Variants in SH3KBP1 observed in about 807,000 individuals in gnomAD.
SH3KBP1 encodes SH3 domain containing kinase binding protein 1.
In SH3KBP1, 8 loss-of-function variants were observed where a neutral mutation model predicts 50.1. The ratio of observed to expected loss-of-function variants is 0.16; its 90% CI spans 0.09 to 0.29. SH3KBP1 has a LOEUF of 0.29. Among genes scored for constraint, SH3KBP1 ranks in the 10% least tolerant of loss-of-function variants. The pLI, the probability that SH3KBP1 is intolerant of heterozygous loss-of-function variation, is 1.00. For missense variants in SH3KBP1, 377 were observed against 535.2 expected, an observed-to-expected ratio of 0.70 and a Z score of 2.92; for synonymous variants, 227 against 218.6, an observed-to-expected ratio of 1.04 and a Z score of -0.34.
chrX:19,660,255 G>A (rs1272909794), intron 6 of SH3KBP1, among the ~76,000 whole-genome samples: 10 of 112,418 alleles, frequency 8.9e-5, no homozygotes, highest in South Asian at 3.7e-4. Flanking sequence ...GGTAGGTAAC[G>A]TGCTTAGCTA....
At chrX:19,618,410 A>AC (rs2067690957) in intron 8 of SH3KBP1, among the ~76,000 whole-genome samples, 1 of 106,393 alleles carries the variant, frequency 9.4e-6, no homozygotes, top group African/African-American at 3.5e-5. Flanking sequence ...AAAAAAAAAA[A>AC]CAGTTTCTAT....
chrX:19,751,771 A>T (rs1282592843), intron 2 of SH3KBP1, among the ~76,000 whole-genome samples: 2 of 112,154 alleles, frequency 1.8e-5, no homozygotes, highest in Non-Finnish European at 3.8e-5. Flanking sequence ...TGGCTCACCC[A>T]CATTCAGAGA....
intron 6 of SH3KBP1, among the ~76,000 whole-genome samples, chrX:19,671,433 G>A (rs1245891533): frequency 1.8e-5 from 2 of 108,976 alleles, no homozygotes; most frequent in Non-Finnish European, 3.8e-5. Context: ...AAAAACAGCC[G>A]TGGCTTTATG....
At chrX:19,634,348 T>C (rs2061653159) in intron 7 of SH3KBP1, among the ~76,000 whole-genome samples, 1 of 110,942 alleles carries the variant, frequency 9.0e-6, no homozygotes, top group African/African-American at 3.3e-5. Context: ...TCAGTGATAA[T>C]TTGATGAGTT....
intron 2 of SH3KBP1, among the ~76,000 whole-genome samples, chrX:19,811,304 C>A (rs2067200274): frequency 8.9e-6 from 1 of 112,015 alleles, no homozygotes; most frequent in Non-Finnish European, 1.9e-5. Context: ...CCATGAGGGT[C>A]CCGATATTAC....
chrX:19,877,463 C>T (rs1033252604), intron 1 of SH3KBP1, among the ~76,000 whole-genome samples: 4 of 111,853 alleles, frequency 3.6e-5, no homozygotes, highest in African/African-American at 1.3e-4. Context: ...CAAGCGTCTC[C>T]GTCTAGCTCC....
rs111885361 is a variant in SH3KBP1 at position 19,715,751 on chromosome X, T to C, written c.287-8767A>G. ...CTAAATATCTGACAATAGTATTTAA[T>C]ACATAGCACAGGTGAATGCTGCTGT... On this transcript the variant is annotated intron_variant, in intron 3 of 17. Transcript: ENST00000397821. Among the ~76,000 whole-genome samples, 397 of 112,704 alleles carry C rather than the reference T, an allele frequency of 3.5e-3. 3 individuals are homozygous for C. The highest frequency in any genetic ancestry group is 0.012 in the African/African-American group (376 of 31,057).
At chrX:19,627,606 C>T (rs2068060982) in intron 8 of SH3KBP1, among the ~76,000 whole-genome samples, 1 of 112,517 alleles carries the variant, frequency 8.9e-6, no homozygotes, top group Non-Finnish European at 1.9e-5. Flanking sequence ...TGCCACATTT[C>T]CTCCTGGCTT....
intron 7 of SH3KBP1, among the ~76,000 whole-genome samples, chrX:19,643,315 T>A (rs760070301): frequency 5.0e-4 from 43 of 86,788 alleles, no homozygotes; most frequent in Admixed American, 1.7e-3. Context: ...TTATTTTTTT[T>A]TTTTTTATTT....
At chrX:19,755,338 C>T (rs1441648495) in intron 2 of SH3KBP1, among the ~76,000 whole-genome samples, 1 of 111,804 alleles carries the variant, frequency 8.9e-6, no homozygotes, top group Non-Finnish European at 1.9e-5. Context: ...CATCGGACTC[C>T]AGCCTGGGCG....
intron 6 of SH3KBP1, among the ~76,000 whole-genome samples, chrX:19,674,706 T>C (rs914884915): frequency 8.9e-6 from 1 of 112,314 alleles, no homozygotes; most frequent in East Asian, 2.8e-4. Flanking sequence ...ATTTAAGACT[T>C]GGTGATATGA....
intron 12 of SH3KBP1, among the ~76,000 whole-genome samples, chrX:19,574,352 T>G (rs1050594521): frequency 2.7e-5 from 3 of 112,919 alleles, no homozygotes; most frequent in Admixed American, 1.9e-4. Flanking sequence ...TGCCAAAAAG[T>G]GTTTAACTAA....
intron 2 of SH3KBP1, among the ~76,000 whole-genome samples, chrX:19,805,586 AGAAGTTCTC>A (rs929131956): frequency 3.7e-5 from 4 of 108,409 alleles, no homozygotes. Flanking sequence ...CAAGACTCCC[AGAAGTTCTC>A]CGAACCTGAC....
intron 1 of SH3KBP1, among the ~76,000 whole-genome samples, chrX:19,871,973 C>T (rs888254687): frequency 9.1e-6 from 1 of 110,416 alleles, no homozygotes; most frequent in Non-Finnish European, 1.9e-5. Context: ...GAATGGTGGC[C>T]GGGCACGGTG....
chrX:19,670,389 G>A (rs780638812), intron 6 of SH3KBP1: 23 of 749,989 alleles, frequency 3.1e-5, no homozygotes, highest in Non-Finnish European at 3.5e-5. Flanking sequence ...GGCTTGCTCT[G>A]CATGGACATA....
chrX:19,534,188 A>T lies in SH3KBP1; in HGVS notation c.*2229T>A, dbSNP rs1182298515. 9.1e-6 allele frequency: 1 copy of T among 109,974 alleles called. No homozygotes were observed. Among genetic ancestry groups the T allele is most frequent in the Non-Finnish European group, 1.9e-5 (1 of 52,715 alleles). The allele number at this position is 109,974 out of a possible 1,213,427, so 9.1% of individuals were successfully genotyped here. The stretch of plus-strand genomic sequence containing the variant: ...TGGGTCCATTTTGTAAAGAGTAAAG[A>T]TGGTGGCAGTTTGGGTAGCGGCTCG... On this transcript the variant is annotated 3_prime_UTR_variant, in exon 18 of 18. Coordinates refer to ENST00000397821, the MANE Select transcript of SH3KBP1 (RefSeq NM_031892.3).
intron 3 of SH3KBP1, among the ~76,000 whole-genome samples, chrX:19,745,986 G>A (rs1299405431): frequency 8.9e-6 from 1 of 112,397 alleles, no homozygotes; most frequent in African/African-American, 3.2e-5. Context: ...TCAGACACAC[G>A]GCTCAGGCCT....
intron 8 of SH3KBP1, among the ~76,000 whole-genome samples, chrX:19,622,992 G>A (rs112669883): frequency 0.076 from 7,465 of 98,462 alleles, 736 homozygotes; most frequent in African/African-American, 0.26. Flanking sequence ...GCAGTGAGCC[G>A]AGATCATGCC....
chrX:19,659,514 C>T (rs983418455), intron 6 of SH3KBP1, among the ~76,000 whole-genome samples: 1 of 111,360 alleles, frequency 9.0e-6, no homozygotes, highest in Non-Finnish European at 1.9e-5. Context: ...GAGACCTTCC[C>T]ACCTCGGCCT....
Sources: allele counts gnomAD v4.1 joint callset (sites outside exome capture counted in the v4.1 genomes callset), GRCh38; gene constraint gnomAD v4.1.1; transcripts MANE v1.5; gene names NCBI Gene and HGNC (gene_info 2026-07-23, HGNC 2026-07-21).